Variants in EML1 observed in about 807,000 individuals in gnomAD.
The protein encoded by EML1 is EMAP like 1.
Under a neutral mutation model 110.4 loss-of-function variants are expected in EML1, and 27 were observed. The observed-to-expected ratio is 0.24, with a 90% CI of 0.18 to 0.34. EML1 has a LOEUF of 0.34. Ranked by LOEUF, EML1 falls within the 10% of genes least tolerant of loss-of-function variation. The pLI, the probability that EML1 is intolerant of heterozygous loss-of-function variation, is 1.00. For missense variants in EML1, 741 were observed against 1,030.9 expected (o/e 0.72, Z 3.85); for synonymous variants, 344 against 385.8 (o/e 0.89, Z 1.27).
intron 4 of EML1, among the ~76,000 whole-genome samples, chr14:99,884,158 A>G (rs1416600694): frequency 1.3e-5 from 2 of 152,208 alleles, no homozygotes; most frequent in Admixed American, 6.5e-5. Context: ...TCGGCTCGCC[A>G]CAGTGGCAGC....
intron 1 of EML1, among the ~76,000 whole-genome samples, chr14:99,818,370 G>A (rs2058204077): frequency 6.6e-6 from 1 of 152,170 alleles, no homozygotes; most frequent in Admixed American, 6.5e-5. Flanking sequence ...AGGTGAATGT[G>A]TGGATATTTA....
At chr14:99,821,077 C>T (rs2058254030) in intron 1 of EML1, among the ~76,000 whole-genome samples, 1 of 146,198 alleles carries the variant, frequency 6.8e-6, no homozygotes. Context: ...GGCTAGAGTG[C>T]AGTGACACGG....
chr14:99,850,301 C>A lies in EML1; in HGVS notation c.68-552C>A, dbSNP rs759532731. On this transcript the variant is annotated intron_variant, in intron 1 of 21. Transcript: ENST00000262233. ...AGAAGATCACGGAGAGGTTTATAGA[C>A]CCTGATAAGGAGTTGGAAATTATGA... 13 of 1,288,802 alleles carry A rather than the reference C, an allele frequency of 1.0e-5. No homozygotes were observed. The South Asian group carries it at 1.6e-4, about 16-fold the overall frequency. The allele number at this position is 1,288,802 out of a possible 1,614,324, so 79.8% of individuals were successfully genotyped here.
chr14:99,896,256 A>G (rs567750900), intron 6 of EML1, among the ~76,000 whole-genome samples: 1 of 152,258 alleles, frequency 6.6e-6, no homozygotes, highest in East Asian at 1.9e-4. Context: ...AATTTAAGCT[A>G]TTGTGACTTC....
At chr14:99,811,369 A>G (rs1010323037) in intron 1 of EML1, among the ~76,000 whole-genome samples, 1 of 147,776 alleles carries the variant, frequency 6.8e-6, no homozygotes, top group Non-Finnish European at 1.5e-5. Flanking sequence ...TTGACTCCTC[A>G]AAGTCTTAAC....
chr14:99,923,895 C>CTG (rs1468146657), intron 17 of EML1, among the ~76,000 whole-genome samples: 2 of 152,204 alleles, frequency 1.3e-5, no homozygotes, highest in Admixed American at 6.5e-5. Flanking sequence ...CTCCAGAGAT[C>CTG]GTCTCACTTC....
intron 2 of EML1, among the ~76,000 whole-genome samples, chr14:99,859,145 T>C (rs865913973): frequency 7.9e-5 from 12 of 152,208 alleles, no homozygotes; most frequent in African/African-American, 2.9e-4. Flanking sequence ...AATTCAACCA[T>C]TTAGAATGAT....
At chr14:99,795,480 A>G (rs554056796) in intron 1 of EML1, among the ~76,000 whole-genome samples, 1 of 152,334 alleles carries the variant, frequency 6.6e-6, no homozygotes, top group South Asian at 2.1e-4. Context: ...TAGGTTGTCT[A>G]ATGAATAAAG....
chr14:99,897,203 A>G lies in EML1; in HGVS notation c.736A>G (p.Thr246Ala). 1 of 1,612,974 alleles carries G rather than the reference A, an allele frequency of 6.2e-7. No homozygotes were observed. The highest frequency in any genetic ancestry group is 8.5e-7 in the Non-Finnish European group (1 of 1,179,490). ...CCTGTACTTGCTTCCGACGGGAGAG[A>G]CCGTCTACTTCATCGCATCCGTGGT... ...NNLYLLPTGE[T>A]VYFIASVVVL... is the part of the protein sequence containing the mutation. The change falls in exon 7 of 22, where the codon ACC becomes GCC. Residue 246 changes from threonine (T) to alanine (A), a missense_variant. By Grantham distance (58) the Thr-to-Ala change is moderately conservative. This residue lies in a region of EML1 where 388 missense variants were observed against 605.6 expected (regional missense o/e 0.64). Transcript: ENST00000262233.
chr14:99,936,636 G>A lies in EML1; in HGVS notation c.2095+302G>A, dbSNP rs73343762. ...AGGCGGATGTGGCAGAAGGGGGCGG[G>A]TCCGGGTGGATGTGGCCGAAGTGGG... is the stretch of plus-strand genomic sequence containing the variant. On this transcript the variant is annotated intron_variant, in intron 19 of 21. Transcript: ENST00000262233. This position sits in a 1 kb window ranked among gnomAD's most constrained non-coding sequence, Gnocchi z 5.5. Among the ~76,000 whole-genome samples, 376 of 152,258 alleles carry A rather than the reference G, an allele frequency of 2.5e-3. No homozygotes were observed. Among genetic ancestry groups the A allele is most frequent in the African/African-American group, 8.7e-3 (361 of 41,554 alleles).
At position 99,940,684 on chromosome 14, in the gene EML1, G is replaced by GGCTT. The variant is rs1169887710; in HGVS notation, c.*574_*577dup. On this transcript the variant is annotated 3_prime_UTR_variant, in exon 22 of 22. Coordinates refer to ENST00000262233, the MANE Select transcript of EML1 (RefSeq NM_004434.3). The stretch of plus-strand genomic sequence containing the variant: ...CTCCCTTGGGGAGGCTGTGAGAGAG[G>GGCTT]GCTTGTATCCCTCTTGTGCTAAGCA... 1 of 152,150 alleles carries GGCTT rather than the reference G, an allele frequency of 6.6e-6. No homozygotes were observed. Among genetic ancestry groups the GGCTT allele is most frequent in the Non-Finnish European group, 1.5e-5 (1 of 68,038 alleles). The allele number at this position is 152,150 out of a possible 1,614,324, so 9.4% of individuals were successfully genotyped here.
At chr14:99,883,677 T>A (rs2059426859) in intron 4 of EML1, 1 of 152,226 alleles carries the variant, frequency 6.6e-6, no homozygotes, top group Non-Finnish European at 1.5e-5. Context: ...GTGTAGTGTA[T>A]AATTTTGACA....
chr14:99,760,403 A>G (rs1018662393), intron 1 of EML1, among the ~76,000 whole-genome samples: 1 of 152,048 alleles, frequency 6.6e-6, no homozygotes, highest in Non-Finnish European at 1.5e-5. Flanking sequence ...TTGCTGCATG[A>G]TCTCCGTAAT....
intron 15 of EML1, 163 bp downstream of exon 15, chr14:99,914,860 AC>A (rs1284390335): frequency 1.0e-5 from 9 of 900,696 alleles, no homozygotes; most frequent in Non-Finnish European, 1.4e-5. Flanking sequence ...TAACAGTGTT[AC>A]TTTTAACATT....
chr14:99,897,114 G>GA (rs752157174), intron 6 of EML1, 31 bp from the exon 7 acceptor site: 25 of 1,492,984 alleles, frequency 1.7e-5, no homozygotes, highest in East Asian at 1.5e-4. Flanking sequence ...CTCTTAAAGG[G>GA]AAAAAAAATT....
At chr14:99,751,229 C>T (rs977671868) in intron 1 of EML1, among the ~76,000 whole-genome samples, 1 of 151,868 alleles carries the variant, frequency 6.6e-6, no homozygotes, top group Admixed American at 6.6e-5. Context: ...ATGAGAGCCC[C>T]GTGTGCCATG....
At position 99,827,924 on chromosome 14, in the gene EML1, G is replaced by A. The variant is rs2058387762; in HGVS notation, c.68-22929G>A. Among the ~76,000 whole-genome samples the A allele has an allele frequency of 2.6e-5, 4 of 152,174 alleles. No homozygotes were observed. The highest frequency in any genetic ancestry group is 9.7e-5 in the African/African-American group (4 of 41,446). Reference sequence around the variant, plus strand: ...GGGTGCAGTAGATGCGATGGTTGGTGTATAATATGAACACTGTCTCTGCAG... The same window carrying A: ...GGGTGCAGTAGATGCGATGGTTGGTATATAATATGAACACTGTCTCTGCAG... On this transcript the variant is annotated intron_variant, in intron 1 of 21. Coordinates refer to ENST00000262233, the MANE Select transcript of EML1 (RefSeq NM_004434.3). This position sits in a 1 kb window ranked among gnomAD's most constrained non-coding sequence, Gnocchi z 4.4.
intron 1 of EML1, among the ~76,000 whole-genome samples, chr14:99,738,717 G>A (rs2056999329): frequency 6.6e-6 from 1 of 152,222 alleles, no homozygotes; most frequent in Admixed American, 6.5e-5. Context: ...TTATGATATT[G>A]TGTGAAAGCG....
In EML1 at chr14:99,901,127, C is replaced by T. The variant is rs879036871; in HGVS notation, c.1008+88C>T. On this transcript the variant is annotated intron_variant, in intron 9 of 21. Coordinates refer to ENST00000262233, the MANE Select transcript of EML1 (RefSeq NM_004434.3). ...GTTGAAGAGGGGGAGTTGACACACT[C>T]GATACCTGCCTGGGTGTATGTACAG... 9.2e-6 allele frequency: 10 copies of T among 1,084,138 alleles called. No homozygotes were observed. In the South Asian group the frequency reaches 1.0e-4, roughly 11 times the overall value. 67.2% of individuals were successfully genotyped at this position (1,084,138 alleles called of 1,614,324 possible).
Sources: gnomAD v4.1 joint callset for allele counts (sites outside exome capture counted in the v4.1 genomes callset) on GRCh38, gnomAD v4.1.1 for gene constraint, gnomAD v4.1.1 regional missense constraint, Gnocchi (gnomAD v3.1) non-coding constraint, MANE v1.5 for transcripts, NCBI Gene and HGNC (gene_info 2026-07-23, HGNC 2026-07-21) for gene names.